The following ZEB1 variants were observed in gnomAD, a reference collection of about 807,000 sequenced individuals.
ZEB1 encodes the protein zinc finger E-box-binding homeobox 1.
ZEB1 carries 21 observed loss-of-function variants against 84.9 expected under a neutral mutation model. That is an observed-to-expected ratio of 0.25 (90% confidence interval 0.18 to 0.36). ZEB1 has a LOEUF of 0.36. Among genes scored for constraint, ZEB1 ranks in the 10% least tolerant of loss-of-function variants. The pLI is 1.00. For synonymous variants in ZEB1, 420 were observed against 471.1 expected (o/e 0.89, Z 1.41); for missense variants, 1,104 against 1,330.2 (o/e 0.83, Z 2.65).
chr10:31,402,801 G>A (rs1048764684), intron 1 of ZEB1, among the ~76,000 whole-genome samples: 3 of 152,008 alleles, frequency 2.0e-5, no homozygotes, highest in Non-Finnish European at 2.9e-5. Context: ...ACTTGACACC[G>A]GAAGTGCCAC....
At chr10:31,469,915 G>T (rs545891841) in intron 2 of ZEB1, among the ~76,000 whole-genome samples, 1 of 152,086 alleles carries the variant, frequency 6.6e-6, no homozygotes, top group Admixed American at 6.5e-5. Flanking sequence ...CCTAACCCCC[G>T]AGCAGCCTAA....
At chr10:31,474,421 G>A (rs918512724) in intron 2 of ZEB1, among the ~76,000 whole-genome samples, 21 of 152,086 alleles carry the variant, frequency 1.4e-4, no homozygotes, top group African/African-American at 2.9e-4. Flanking sequence ...GACACTTCTC[G>A]AAAGAAGACA....
chr10:31,387,386 CTGTG>C, intron 1 of ZEB1: 9 of 830,292 alleles, frequency 1.1e-5, no homozygotes, highest in Non-Finnish European at 1.3e-5. Context: ...GAGGCCCTAC[CTGTG>C]GGTAGGACAT....
chr10:31,453,446 T>G (rs953348474), intron 1 of ZEB1, among the ~76,000 whole-genome samples: 1 of 152,168 alleles, frequency 6.6e-6, no homozygotes, highest in Non-Finnish European at 1.5e-5. Context: ...TACCAATGAA[T>G]AAAAAATTGA....
At position 31,375,048 on chromosome 10, in the gene ZEB1, C is replaced by CACACAT. The variant is rs1191761398; in HGVS notation, c.58+55761_58+55762insTACACA. On this transcript the variant is annotated intron_variant, in intron 1 of 8. Transcript: ENST00000424869. ...GAATGTGACATTTATGTTTTTCATACACACACACACACACACACACACACA... is the reference window on the plus strand; with the variant it reads ...GAATGTGACATTTATGTTTTTCATACACACATACACACACACACACACACACACACA... The CACACAT allele has an allele frequency of 3.7e-5, 4 of 109,290 alleles. No individual in the cohort carries two copies. The East Asian group carries it at 8.4e-4, about 23-fold the overall frequency. 6.8% of individuals were successfully genotyped at this position (109,290 alleles called of 1,614,324 possible). A position where few individuals can be genotyped will look rare whatever the true frequency, so the allele number is the denominator to read the frequency against.
At chr10:31,390,856 C>A (rs146962740) in intron 1 of ZEB1, among the ~76,000 whole-genome samples, 1 of 152,158 alleles carries the variant, frequency 6.6e-6, no homozygotes, top group Non-Finnish European at 1.5e-5. Flanking sequence ...AACATCTTTC[C>A]GTTTTCATTC....
intron 1 of ZEB1, among the ~76,000 whole-genome samples, chr10:31,343,358 C>T (rs988211873): frequency 5.9e-5 from 9 of 151,986 alleles, no homozygotes; most frequent in African/African-American, 2.2e-4. Flanking sequence ...CATCTATTTC[C>T]ATAGCATTGT....
chr10:31,321,587 G>T (rs374782367), intron 1 of ZEB1: 38 of 1,613,392 alleles, frequency 2.4e-5, no homozygotes, highest in Non-Finnish European at 2.7e-5. Flanking sequence ...AATGTTGATC[G>T]CCAGAGAAAG....
rs770354679 is a variant in ZEB1, at chr10:31,510,830, C to G, written c.642C>G (p.Thr214=). Reference sequence around the variant, plus strand: ...GCAGTTACACCTTTGCATACAGAACCCAACTTGAACGTCACATGACATCAC... The same window carrying G: ...GCAGTTACACCTTTGCATACAGAACGCAACTTGAACGTCACATGACATCAC... The part of the protein sequence containing the change: ...SLCSYTFAYR[T]QLERHMTSHK... Residue 214 remains threonine, a synonymous_variant, in exon 5 of 9, where the codon ACC becomes ACG. Transcript: ENST00000424869. The G allele has an allele frequency of 1.9e-6, 3 of 1,613,902 alleles. No homozygotes were observed. The Admixed American group carries it at 5.0e-5, about 27-fold the overall frequency.
At chr10:31,488,811 A>T (rs1188409749) in intron 2 of ZEB1, among the ~76,000 whole-genome samples, 1 of 151,010 alleles carries the variant, frequency 6.6e-6, no homozygotes, top group South Asian at 2.1e-4. Flanking sequence ...TCCTATTGAC[A>T]TCTGGTCATT....
chr10:31,363,718 T>C lies in ZEB1; in HGVS notation c.58+44426T>C, dbSNP rs1210097517. ...GCTGAGGTGTCCAAACATTATGGAG[T>C]TGTGAGGAGACAGCACGGGTTTCTT... On this transcript the variant is annotated intron_variant, in intron 1 of 8. Transcript: ENST00000424869. 5.8e-6 allele frequency: 7 copies of C among 1,197,556 alleles called. No individual in the cohort carries two copies. The South Asian group carries it at 9.1e-5, about 16-fold the overall frequency. The allele number at this position is 1,197,556 out of a possible 1,614,324, so 74.2% of individuals were successfully genotyped here.
chr10:31,321,143 T>TC, intron 1 of ZEB1: 1 of 1,034,400 alleles, frequency 9.7e-7, no homozygotes, highest in Non-Finnish European at 1.2e-6. Flanking sequence ...CCTTTCTCCC[T>TC]CCCCTCTGGG....
rs80290434 is a variant in ZEB1 at position 31,481,716 on chromosome 10, A to G, written c.260-14060A>G. 7.0e-3 allele frequency among the ~76,000 whole-genome samples: 1,068 copies of G among 152,128 alleles called. 11 individuals carry two copies. Among genetic ancestry groups the G allele is most frequent in the African/African-American group, 0.023 (976 of 41,538 alleles). ...AGCATGTCAAAAAAACACAGGAGCCAACTTGAAGGAGTTCCCAATAGCCAA... is the reference window on the plus strand; with the variant it reads ...AGCATGTCAAAAAAACACAGGAGCCGACTTGAAGGAGTTCCCAATAGCCAA... On this transcript the variant is annotated intron_variant, in intron 2 of 8. Coordinates refer to ENST00000424869, the MANE Select transcript of ZEB1 (RefSeq NM_001174096.2).
At chr10:31,384,168 G>A (rs1480961270) in intron 1 of ZEB1, among the ~76,000 whole-genome samples, 1 of 151,742 alleles carries the variant, frequency 6.6e-6, no homozygotes, top group Non-Finnish European at 1.5e-5. Flanking sequence ...TAGAGACGGG[G>A]TTTCTCCATG....
At chr10:31,477,138 A>T (rs958949646) in intron 2 of ZEB1, among the ~76,000 whole-genome samples, 2 of 152,046 alleles carry the variant, frequency 1.3e-5, no homozygotes, top group African/African-American at 4.8e-5. Context: ...GTCACTGATG[A>T]CATGCCCCCA....
intron 1 of ZEB1, among the ~76,000 whole-genome samples, chr10:31,448,530 C>T (rs1403324721): frequency 1.3e-5 from 2 of 150,722 alleles, no homozygotes; most frequent in Non-Finnish European, 2.9e-5. Flanking sequence ...TGTTTTTTCC[C>T]CATCTTTGTG....
intron 2 of ZEB1, among the ~76,000 whole-genome samples, chr10:31,485,627 A>G (rs2065630511): frequency 6.6e-6 from 1 of 151,896 alleles, no homozygotes; most frequent in Non-Finnish European, 1.5e-5. Context: ...AAACACTCCT[A>G]TTCTTCTGGA....
chr10:31,362,996 G>A, intron 1 of ZEB1: 6 of 1,534,090 alleles, frequency 3.9e-6, no homozygotes, highest in Non-Finnish European at 5.2e-6. Context: ...AGCTTTGCCG[G>A]TGGGGGCCGC....
At chr10:31,489,464 A>G (rs1003057932) in intron 2 of ZEB1, among the ~76,000 whole-genome samples, 1 of 151,094 alleles carries the variant, frequency 6.6e-6, no homozygotes, top group Non-Finnish European at 1.5e-5. Flanking sequence ...TAGGCCATTT[A>G]TATTTCATAA....
Sources: allele counts gnomAD v4.1 joint callset (sites outside exome capture counted in the v4.1 genomes callset), GRCh38; gene constraint gnomAD v4.1.1; transcripts MANE v1.5; gene names NCBI Gene and HGNC (gene_info 2026-07-23, HGNC 2026-07-21).